The following NCKAP5 variants were observed in gnomAD, a reference collection of about 807,000 sequenced individuals.
NCKAP5 encodes the protein nck-associated protein 5.
NCKAP5 carries 92 observed loss-of-function variants against 167.0 expected under a neutral mutation model. The ratio of observed to expected loss-of-function variants is 0.55; its 90% confidence interval spans 0.47 to 0.66. The LOEUF is 0.66. Ranked by LOEUF, NCKAP5 falls within the 30% of genes least tolerant of loss-of-function variation. NCKAP5 has a pLI of 0.00. For synonymous variants in NCKAP5, 891 were observed against 877.4 expected (o/e 1.02, Z -0.27); for missense variants, 2,378 against 2,315.0 (o/e 1.03, Z -0.56).
chr2:133,210,173 A>AACAATATAATATAAT, intron 5 of NCKAP5, among the ~76,000 whole-genome samples: 1 of 145,076 alleles, frequency 6.9e-6, no homozygotes, highest in South Asian at 2.2e-4. Context: ...CTCAAAAATA[A>AACAATATAATATAAT]ATAATATAAT....
rs369322294 is a variant in NCKAP5, at chr2:132,784,725, T to G, written c.2086A>C (p.Ile696Leu). ...CCAGCAGGAGTTGAATTGATGGAAA[T>G]CTCATTTCTGGTAACAGTGACAACC... The part of the protein sequence containing the change: ...TGVVTVTRNE[I>L]SINSTPAGPK... Residue 696 changes from isoleucine (I) to leucine (L), a missense_variant, in exon 14 of 20, where the codon ATT (isoleucine) becomes CTT (leucine). Ile to Leu is a conservative substitution (Grantham distance 5). Transcript: ENST00000409261. 1 of 1,613,930 alleles carries G rather than the reference T, an allele frequency of 6.2e-7. No individual in the cohort carries two copies. The highest frequency in any genetic ancestry group is 8.5e-7 in the Non-Finnish European group (1 of 1,179,846).
At chr2:133,070,703 T>C (rs1384619692) in intron 6 of NCKAP5, among the ~76,000 whole-genome samples, 1 of 152,094 alleles carries the variant, frequency 6.6e-6, no homozygotes, top group Non-Finnish European at 1.5e-5. Flanking sequence ...CCCCCACAAA[T>C]TCACATACAT....
chr2:133,245,982 T>C (rs2087968720), intron 4 of NCKAP5, among the ~76,000 whole-genome samples: 1 of 151,732 alleles, frequency 6.6e-6, no homozygotes, highest in Non-Finnish European at 1.5e-5. Context: ...CTAGCATATG[T>C]TGCAACAGCT....
At chr2:132,917,060 CTTTA>C (rs754842743) in intron 8 of NCKAP5, among the ~76,000 whole-genome samples, 27 of 152,206 alleles carry the variant, frequency 1.8e-4, no homozygotes, top group Non-Finnish European at 3.4e-4. Flanking sequence ...TCTTTGTGTG[CTTTA>C]TTTAATTCTC....
intron 3 of NCKAP5, among the ~76,000 whole-genome samples, chr2:133,421,392 C>T (rs1333526350): frequency 2.6e-5 from 4 of 152,188 alleles, no homozygotes; most frequent in Non-Finnish European, 5.9e-5. Flanking sequence ...ACAAATTCCT[C>T]ACCTGAGCAT....
chr2:133,108,463 C>A (rs1402253443), intron 6 of NCKAP5, among the ~76,000 whole-genome samples: 2 of 152,346 alleles, frequency 1.3e-5, no homozygotes, highest in South Asian at 2.1e-4. Flanking sequence ...AGTCTTCAAT[C>A]AAGTTGAATG....
chr2:133,402,419 G>A (rs1311667537), intron 3 of NCKAP5, among the ~76,000 whole-genome samples: 1 of 152,158 alleles, frequency 6.6e-6, no homozygotes, highest in Non-Finnish European at 1.5e-5. Flanking sequence ...TTACAGATAA[G>A]AGATAGAGGT....
At chr2:133,165,091 G>A (rs1309572871) in intron 5 of NCKAP5, among the ~76,000 whole-genome samples, 3 of 152,002 alleles carry the variant, frequency 2.0e-5, no homozygotes, top group Non-Finnish European at 4.4e-5. Context: ...GATGGGAGGA[G>A]GTGACTGCCA....
intron 3 of NCKAP5, among the ~76,000 whole-genome samples, chr2:133,384,074 G>T (rs922719719): frequency 6.6e-5 from 10 of 152,156 alleles, no homozygotes; most frequent in Admixed American, 2.6e-4. Context: ...GATCCCATTT[G>T]TCAATTTTGA....
chr2:133,346,122 C>A (rs565512292), intron 3 of NCKAP5, among the ~76,000 whole-genome samples: 4 of 152,308 alleles, frequency 2.6e-5, no homozygotes, highest in Non-Finnish European at 5.9e-5. Context: ...CCACTCTAAG[C>A]AACGTTTGCC....
intron 11 of NCKAP5, among the ~76,000 whole-genome samples, chr2:132,811,842 C>T (rs1419690699): frequency 1.3e-5 from 2 of 152,184 alleles, no homozygotes; most frequent in African/African-American, 4.8e-5. Flanking sequence ...TTCCTTCTTC[C>T]TGTGGAGTTT....
chr2:133,446,965 C>A (rs541982347), intron 3 of NCKAP5, among the ~76,000 whole-genome samples: 19 of 152,242 alleles, frequency 1.2e-4, no homozygotes, highest in Non-Finnish European at 2.2e-4. Context: ...GACCTCTGGG[C>A]AAGTTTCAAG....
intron 6 of NCKAP5, among the ~76,000 whole-genome samples, chr2:133,033,915 A>T (rs1350483918): frequency 6.6e-6 from 1 of 152,128 alleles, no homozygotes; most frequent in East Asian, 1.9e-4. Flanking sequence ...ACTGGCCTTA[A>T]AGAAGAGGTA....
At chr2:133,525,310 A>C (rs934688857) in intron 2 of NCKAP5, among the ~76,000 whole-genome samples, 2 of 152,224 alleles carry the variant, frequency 1.3e-5, no homozygotes, top group African/African-American at 4.8e-5. Flanking sequence ...TCCTACATTC[A>C]TGCTCACTAA....
chr2:133,325,702 T>C (rs1375319440), intron 3 of NCKAP5, among the ~76,000 whole-genome samples: 1 of 152,184 alleles, frequency 6.6e-6, no homozygotes, highest in Non-Finnish European at 1.5e-5. Flanking sequence ...GTGACCTGAA[T>C]GAAAGCTAGT....
intron 3 of NCKAP5, among the ~76,000 whole-genome samples, chr2:133,420,999 A>T (rs755213975): frequency 5.3e-5 from 8 of 152,102 alleles, no homozygotes; most frequent in Non-Finnish European, 8.8e-5. Flanking sequence ...CAGGATACCA[A>T]CTCTTCTTTC....
intron 19 of NCKAP5, among the ~76,000 whole-genome samples, chr2:132,717,727 C>G (rs952415399): frequency 1.3e-5 from 2 of 152,130 alleles, no homozygotes; most frequent in Non-Finnish European, 2.9e-5. Context: ...ACTCAACTTC[C>G]CTGGCTCTTT....
intron 3 of NCKAP5, among the ~76,000 whole-genome samples, chr2:133,385,009 T>A (rs1451212854): frequency 1.3e-5 from 2 of 152,142 alleles, no homozygotes; most frequent in African/African-American, 2.4e-5. Flanking sequence ...CAATTTGACT[T>A]CCTGTTTTCC....
At position 132,728,835 on chromosome 2, in the gene NCKAP5, A is replaced by G. The variant is rs201952722; in HGVS notation, c.5561T>C (p.Val1854Ala). Reference sequence around the variant, plus strand: ...CCTCACCTGGGTCCCGGTGGCAGCAACTTCACTCCCCCAGTCTGGAAGCGG... The same window carrying G: ...CCTCACCTGGGTCCCGGTGGCAGCAGCTTCACTCCCCCAGTCTGGAAGCGG... Reference protein sequence around the residue: ...SQPLPDWGSEVAATGTQDKAP... With the variant: ...SQPLPDWGSEAAATGTQDKAP... Residue 1854 changes from valine (V) to alanine (A), a missense_variant, in exon 18 of 20, where the codon GTT becomes GCT. By Grantham distance (64) the Val-to-Ala change is moderately conservative (BLOSUM62 0). This residue lies in a region of NCKAP5 where 1,325 missense variants were observed against 1,274.5 expected (regional missense o/e 1.04). Transcript: ENST00000409261. 1.9e-6 allele frequency: 3 copies of G among 1,613,802 alleles called. No individual in the cohort carries two copies. In the Admixed American group the frequency reaches 5.0e-5, roughly 27 times the overall value.
Sources: allele counts gnomAD v4.1 joint callset (sites outside exome capture counted in the v4.1 genomes callset), GRCh38; gene constraint gnomAD v4.1.1; regional missense constraint gnomAD v4.1.1; transcripts MANE v1.5; gene names NCBI Gene and HGNC (gene_info 2026-07-23, HGNC 2026-07-21).